The following PACRG variants were observed in gnomAD, a reference collection of about 807,000 sequenced individuals.
The protein encoded by PACRG is parkin coregulated, also known as parkin coregulated gene protein.
In PACRG, 29 loss-of-function variants were observed where a neutral mutation model predicts 29.7. The observed-to-expected ratio is 0.98, with a 90% CI of 0.73 to 1.33. The LOEUF (loss-of-function observed/expected upper bound fraction) is 1.33, where lower values mean the gene tolerates loss of function less well. PACRG is among the 40% of genes most tolerant of loss of function. The pLI is 0.00. For missense variants in PACRG, 279 were observed against 316.2 expected (o/e 0.88, Z 0.89); for synonymous variants, 116 against 118.7 (o/e 0.98, Z 0.15).
chr6:162,799,123 G>T (rs994658570), intron 1 of PACRG, among the ~76,000 whole-genome samples: 2 of 152,054 alleles, frequency 1.3e-5, no homozygotes, highest in Admixed American at 1.3e-4. Context: ...ATCTGCATGT[G>T]GATTAGTTGG....
At chr6:162,793,551 C>G (rs188018340) in intron 1 of PACRG, among the ~76,000 whole-genome samples, 11 of 152,218 alleles carry the variant, frequency 7.2e-5, no homozygotes, top group Admixed American at 6.5e-4. Context: ...TCTAGGCATC[C>G]TTTCACCATC....
chr6:163,032,214 A>G (rs1807733774), intron 2 of PACRG, among the ~76,000 whole-genome samples: 1 of 152,250 alleles, frequency 6.6e-6, no homozygotes, highest in Non-Finnish European at 1.5e-5. Flanking sequence ...AAAGCAAAAC[A>G]AAGGATCAGC....
chr6:162,995,284 C>CGGCTG (rs1360088304), intron 2 of PACRG, among the ~76,000 whole-genome samples: 2 of 147,818 alleles, frequency 1.4e-5, no homozygotes, highest in East Asian at 4.1e-4. Flanking sequence ...TCGAGCTTCC[C>CGGCTG]GGCTGCTTTG....
intron 4 of PACRG, among the ~76,000 whole-genome samples, chr6:163,146,486 C>T (rs1170027077): frequency 6.6e-6 from 1 of 152,210 alleles, no homozygotes; most frequent in Non-Finnish European, 1.5e-5. Flanking sequence ...AGAAACTTGC[C>T]ATATGTGTAA....
chr6:162,774,639 C>G (rs1000341538), intron 1 of PACRG, among the ~76,000 whole-genome samples: 6 of 152,146 alleles, frequency 3.9e-5, no homozygotes, highest in Non-Finnish European at 8.8e-5. Context: ...TTCCCCACTT[C>G]AAGGCTGTTT....
chr6:162,833,952 A>G (rs1788998723), intron 2 of PACRG, among the ~76,000 whole-genome samples: 3 of 152,044 alleles, frequency 2.0e-5, no homozygotes, highest in South Asian at 4.1e-4. Context: ...TGTGCAACCA[A>G]TTTTCCAAAC....
intron 4 of PACRG, among the ~76,000 whole-genome samples, chr6:163,272,819 T>G (rs900949416): frequency 6.6e-6 from 1 of 152,010 alleles, no homozygotes; most frequent in East Asian, 1.9e-4. Flanking sequence ...TATGATAAAA[T>G]GTATGAATAG....
In PACRG at chr6:162,885,769, C is replaced by CAT. The variant is rs200095686; in HGVS notation, c.291+71489_291+71490dup. 6.4e-4 allele frequency among the ~76,000 whole-genome samples: 97 copies of CAT among 151,330 alleles called. 1 individual carries two copies. In the Middle Eastern group the frequency reaches 0.017, roughly 27 times the overall value. On this transcript the variant is annotated intron_variant, in intron 2 of 4. Transcript: ENST00000366888. ...GTGTGTGTGTGTGCGTGCACACGTG[C>CAT]ATGTGTGTGTGTGTGTGTGTATATA...
intron 2 of PACRG, among the ~76,000 whole-genome samples, chr6:162,855,202 C>T (rs1791282555): frequency 6.6e-6 from 1 of 152,188 alleles, no homozygotes; most frequent in Non-Finnish European, 1.5e-5. Flanking sequence ...CCTGGTAGAG[C>T]TGTTGTAAGG....
At chr6:162,950,915 A>G (rs1309285496) in intron 2 of PACRG, among the ~76,000 whole-genome samples, 4 of 152,238 alleles carry the variant, frequency 2.6e-5, no homozygotes, top group African/African-American at 9.6e-5. Flanking sequence ...AAACAAGTGA[A>G]CAAAGATTGG....
rs1174548658 is a variant in PACRG at position 162,836,661 on chromosome 6, T to A, written c.291+22380T>A. Among the ~76,000 whole-genome samples the A allele has an allele frequency of 3.9e-5, 6 of 152,334 alleles. No homozygotes were observed. The East Asian group carries it at 1.2e-3, about 29-fold the overall frequency. On this transcript the variant is annotated intron_variant, in intron 2 of 4. Transcript: ENST00000366888. Reference sequence around the variant, plus strand: ...TTTCCCTCGATTTGATTATTTTTTATACCTTCAATCTTGCTCTTTTAGTCA... The same window carrying A: ...TTTCCCTCGATTTGATTATTTTTTAAACCTTCAATCTTGCTCTTTTAGTCA...
intron 2 of PACRG, among the ~76,000 whole-genome samples, chr6:162,933,656 A>C (rs1227784675): frequency 7.6e-6 from 1 of 131,004 alleles, no homozygotes; most frequent in Non-Finnish European, 1.5e-5. Flanking sequence ...ATATAATTAC[A>C]CTACTCCTGC....
chr6:162,874,159 T>A (rs1452146929), intron 2 of PACRG, among the ~76,000 whole-genome samples: 13 of 143,648 alleles, frequency 9.0e-5, no homozygotes, highest in African/African-American at 3.2e-4. Flanking sequence ...AAAATATATA[T>A]ATATATATGT....
intron 1 of PACRG, among the ~76,000 whole-genome samples, chr6:162,734,246 G>A (rs1267329313): frequency 6.8e-6 from 1 of 147,996 alleles, no homozygotes; most frequent in African/African-American, 2.6e-5. Flanking sequence ...AGTTAAAGTG[G>A]TTTGGCTTAG....
chr6:163,267,564 A>C (rs1489344315), intron 4 of PACRG, among the ~76,000 whole-genome samples: 5 of 152,250 alleles, frequency 3.3e-5, no homozygotes, highest in Admixed American at 2.6e-4. Flanking sequence ...TCTTTGAAGT[A>C]TCTACTATAA....
intron 4 of PACRG, among the ~76,000 whole-genome samples, chr6:163,273,114 C>T (rs1783901492): frequency 3.3e-5 from 5 of 151,050 alleles, no homozygotes; most frequent in South Asian, 2.1e-4. Flanking sequence ...GGGATGGTCT[C>T]GATCTCCTGA....
At chr6:162,844,473 C>G (rs1790164765) in intron 2 of PACRG, among the ~76,000 whole-genome samples, 1 of 152,196 alleles carries the variant, frequency 6.6e-6, no homozygotes, top group South Asian at 2.1e-4. Flanking sequence ...GTGCGCGCAC[C>G]CACTGACCTG....
intron 2 of PACRG, among the ~76,000 whole-genome samples, chr6:162,875,245 TCA>T (rs894943434): frequency 5.0e-5 from 7 of 140,430 alleles, no homozygotes; most frequent in Non-Finnish European, 1.6e-5. Context: ...GCACAGACAT[TCA>T]CACACAGACA....
At chr6:163,006,206 T>C (rs2321335) in intron 2 of PACRG, among the ~76,000 whole-genome samples, 4 of 139,408 alleles carry the variant, frequency 2.9e-5, no homozygotes, top group African/African-American at 1.1e-4. Context: ...TATATATATA[T>C]CCCATATATA....
Sources: allele counts gnomAD v4.1 joint callset (sites outside exome capture counted in the v4.1 genomes callset), GRCh38; gene constraint gnomAD v4.1.1; transcripts MANE v1.5; gene names NCBI Gene and HGNC (gene_info 2026-07-23, HGNC 2026-07-21).